The following UBE3D variants were observed in gnomAD, a reference collection of about 807,000 sequenced individuals.
UBE3D encodes the protein E3 ubiquitin-protein ligase E3D.
A neutral mutation model predicts 49.6 loss-of-function variants in UBE3D; 48 were observed. The ratio of observed to expected loss-of-function variants is 0.97; its 90% CI spans 0.77 to 1.23. UBE3D has a LOEUF of 1.23. Ranked by LOEUF, UBE3D falls within the 50% of genes most tolerant of loss-of-function variation. UBE3D has a pLI of 0.00. For synonymous variants in UBE3D, 189 were observed against 174.2 expected (o/e 1.08, Z -0.67); for missense variants, 452 against 468.4 (o/e 0.96, Z 0.32).
intron 5 of UBE3D, among the ~76,000 whole-genome samples, chr6:83,034,646 G>A (rs1463310943): frequency 6.6e-6 from 1 of 152,056 alleles, no homozygotes; most frequent in Non-Finnish European, 1.5e-5. Flanking sequence ...AAAAGTGTGT[G>A]GCAATTCCCT....
intron 9 of UBE3D, among the ~76,000 whole-genome samples, chr6:82,927,057 T>C (rs1442901048): frequency 6.6e-6 from 1 of 152,100 alleles, no homozygotes; most frequent in East Asian, 1.9e-4. Flanking sequence ...AGATTCATTG[T>C]TTTTGTACGT....
At chr6:82,962,430 A>G (rs1435959203) in intron 8 of UBE3D, among the ~76,000 whole-genome samples, 1 of 152,200 alleles carries the variant, frequency 6.6e-6, no homozygotes, top group Non-Finnish European at 1.5e-5. Flanking sequence ...ATTTCCTCAC[A>G]GGACCTTGGA....
At chr6:82,895,398 C>A (rs879576751) in intron 9 of UBE3D, among the ~76,000 whole-genome samples, 1 of 152,042 alleles carries the variant, frequency 6.6e-6, no homozygotes, top group Non-Finnish European at 1.5e-5. Flanking sequence ...TACTGACGGG[C>A]GTTTGGCAGT....
chr6:82,955,567 A>G lies in UBE3D; in HGVS notation c.1149+1745T>C, dbSNP rs1045499288. ...ACAAACTTTTGCATTATTCAATCCC[A>G]TAAGCAGAACTTAAAGAAATATGGA... On this transcript the variant is annotated intron_variant, in intron 9 of 9. Coordinates refer to ENST00000369747, the MANE Select transcript of UBE3D (RefSeq NM_198920.3). Among the ~76,000 whole-genome samples the G allele has an allele frequency of 9.9e-5, 15 of 152,240 alleles. 1 individual carries two copies. Among genetic ancestry groups the G allele is most frequent in the Admixed American group, 6.5e-5 (1 of 15,284 alleles).
chr6:82,965,601 A>G (rs187121294), intron 8 of UBE3D, among the ~76,000 whole-genome samples: 2,191 of 150,446 alleles, frequency 0.015, 16 homozygotes, highest in Non-Finnish European at 0.023. Flanking sequence ...AAAAAAAAAA[A>G]AAGAAGAAGA....
chr6:82,986,868 T>C (rs970374915), intron 8 of UBE3D, among the ~76,000 whole-genome samples: 2 of 149,004 alleles, frequency 1.3e-5, no homozygotes, highest in Non-Finnish European at 3.0e-5. Context: ...ATTTTATATA[T>C]AATAAATTAA....
chr6:82,956,559 T>G (rs1309918045), intron 9 of UBE3D, among the ~76,000 whole-genome samples: 1 of 152,194 alleles, frequency 6.6e-6, no homozygotes, highest in Non-Finnish European at 1.5e-5. Context: ...AGTAGAACCC[T>G]GTTAAATAGA....
chr6:83,050,857 T>C (rs1278209618), intron 3 of UBE3D, among the ~76,000 whole-genome samples: 1 of 152,238 alleles, frequency 6.6e-6, no homozygotes, highest in Non-Finnish European at 1.5e-5. Context: ...GAGGCATGCA[T>C]ATGCCAGGCA....
chr6:82,919,097 T>C (rs1394237360), intron 9 of UBE3D, among the ~76,000 whole-genome samples: 14 of 151,952 alleles, frequency 9.2e-5, no homozygotes, highest in Admixed American at 9.2e-4. Flanking sequence ...TTCTTCCTCT[T>C]CACCCATGTT....
chr6:82,908,638 G>A (rs1202588176), intron 9 of UBE3D, among the ~76,000 whole-genome samples: 1 of 152,106 alleles, frequency 6.6e-6, no homozygotes, highest in Non-Finnish European at 1.5e-5. Context: ...TCAATCCTAT[G>A]AGTTCCACTG....
chr6:82,957,307 C>T lies in UBE3D; in HGVS notation c.1149+5G>A. ...TCACGGCCTAGAAAAGAAGCCATTG[C>T]TCACCTGAAAGGAATTCACACGGCG... On this transcript the variant is annotated splice_donor_5th_base_variant and intron_variant, in intron 9 of 9. Coordinates refer to ENST00000369747, the MANE Select transcript of UBE3D (RefSeq NM_198920.3). The T allele has an allele frequency of 6.2e-7, 1 of 1,611,550 alleles. No individual in the cohort carries two copies. Among genetic ancestry groups the T allele is most frequent in the Non-Finnish European group, 8.5e-7 (1 of 1,179,292 alleles).
chr6:83,000,795 C>T (rs1213589677), intron 8 of UBE3D, among the ~76,000 whole-genome samples: 2 of 151,934 alleles, frequency 1.3e-5, no homozygotes, highest in African/African-American at 2.4e-5. Context: ...CCTAGAAGCT[C>T]TTCACAGTAA....
intron 8 of UBE3D, among the ~76,000 whole-genome samples, chr6:82,993,349 G>A (rs1439663892): frequency 9.0e-5 from 3 of 33,478 alleles, no homozygotes; most frequent in Non-Finnish European, 1.3e-4. Context: ...CCTATCAGCC[G>A]ACAGAAAATG....
chr6:83,032,177 C>T (rs915998867), intron 5 of UBE3D: 16 of 455,886 alleles, frequency 3.5e-5, no homozygotes, highest in Middle Eastern at 3.9e-4. Context: ...CAGCTTACAC[C>T]GTATGCCTAG....
chr6:83,049,379 A>G (rs1783304219), intron 3 of UBE3D, among the ~76,000 whole-genome samples: 1 of 152,340 alleles, frequency 6.6e-6, no homozygotes, highest in South Asian at 2.1e-4. Flanking sequence ...GCAGGCCACA[A>G]ATCCTACAAA....
intron 4 of UBE3D, among the ~76,000 whole-genome samples, chr6:83,041,118 T>C (rs899901095): frequency 6.6e-6 from 1 of 152,236 alleles, no homozygotes; most frequent in Non-Finnish European, 1.5e-5. Context: ...AAGGGCTTTA[T>C]TAAAAACTAA....
At chr6:82,891,859 C>G (rs1770986265), downstream of UBE3D, among the ~76,000 whole-genome samples, 1 of 152,138 alleles carries the variant, frequency 6.6e-6, no homozygotes, top group Non-Finnish European at 1.5e-5. Context: ...AACCCTGTCT[C>G]TACTAAAAAT....
At position 82,957,331 on chromosome 6, in the gene UBE3D, C is replaced by T. The variant is rs773185446; in HGVS notation, c.1130G>A (p.Arg377His). 1.2e-5 allele frequency: 20 copies of T among 1,613,664 alleles called. No individual in the cohort carries two copies. The highest frequency in any genetic ancestry group is 4.5e-5 in the East Asian group (2 of 44,862). The change falls in exon 9 of 10, where the codon CGC (arginine) becomes CAC (histidine). Residue 377 changes from arginine to histidine, a missense_variant. Physicochemically the swap from Arg to His is conservative, Grantham distance 29. Coordinates refer to ENST00000369747, the MANE Select transcript of UBE3D (RefSeq NM_198920.3). ...KSNANLPSSLRRVNSFQVAFL... is the reference protein window; with the variant it reads ...KSNANLPSSLHRVNSFQVAFL... ...GCTCACCTGAAAGGAATTCACACGG[C>T]GAAGGGATGAAGGCAGATTGGCATT...
intron 9 of UBE3D, among the ~76,000 whole-genome samples, chr6:82,942,179 A>G (rs1775064185): frequency 1.3e-5 from 2 of 152,166 alleles, no homozygotes; most frequent in Admixed American, 1.3e-4. Flanking sequence ...GGAGATAAGA[A>G]ACTTGTTGGG....
Sources: gnomAD v4.1 joint callset for allele counts (sites outside exome capture counted in the v4.1 genomes callset) on GRCh38, gnomAD v4.1.1 for gene constraint, MANE v1.5 for transcripts, NCBI Gene and HGNC (gene_info 2026-07-23, HGNC 2026-07-21) for gene names.